Variants in ITGA2 observed in about 807,000 individuals in gnomAD.
The protein encoded by ITGA2 is integrin subunit alpha 2.
In ITGA2, 101 loss-of-function variants were observed where a neutral mutation model predicts 146.3. The ratio of observed to expected loss-of-function variants is 0.69; its 90% CI spans 0.59 to 0.81. ITGA2 has a LOEUF of 0.81. Ranked by LOEUF, ITGA2 falls within the 40% of genes least tolerant of loss-of-function variation. ITGA2 has a pLI of 0.00. For synonymous variants in ITGA2, 477 were observed against 487.1 expected (o/e 0.98, Z 0.27); for missense variants, 1,281 against 1,402.7 (o/e 0.91, Z 1.39).
intron 2 of ITGA2, among the ~76,000 whole-genome samples, chr5:53,029,863 G>C (rs1743140290): frequency 1.3e-5 from 2 of 152,188 alleles, no homozygotes; most frequent in South Asian, 4.1e-4. Context: ...AGCTATAGTA[G>C]ACTGACTTAA....
At chr5:53,068,722 T>A (rs547630830) in intron 16 of ITGA2, among the ~76,000 whole-genome samples, 1 of 151,988 alleles carries the variant, frequency 6.6e-6, no homozygotes, top group South Asian at 2.1e-4. Flanking sequence ...GCAATAATAG[T>A]ATGTAAGACG....
At position 53,055,557 on chromosome 5, in the gene ITGA2, G is replaced by C; in HGVS notation, c.799G>C (p.Ala267Pro). Residue 267 changes from alanine (A) to proline (P), a missense_variant, in exon 8 of 30, where the codon GCT (alanine) becomes CCT (proline). This residue lies in a region of ITGA2 where 795 missense variants were observed against 841.7 expected (regional missense o/e 0.94). Transcript: ENST00000296585. ...QYARKYAYSA[A>P]SGGRRSATKV... ...CCACAGAAAATATGCTTATTCAGCA[G>C]CTTCTGGTGGGCGACGAAGTGCTAC... The C allele has an allele frequency of 6.2e-7, 1 of 1,613,000 alleles. No homozygotes were observed.
chr5:53,046,194 CAAAAA>C (rs58926174), intron 4 of ITGA2, among the ~76,000 whole-genome samples: 3 of 99,064 alleles, frequency 3.0e-5, no homozygotes, highest in Non-Finnish European at 6.0e-5. Flanking sequence ...GACTCTGTCT[CAAAAA>C]AAAAAAAAAA....
intron 1 of ITGA2, among the ~76,000 whole-genome samples, chr5:53,023,771 G>A (rs1466400286): frequency 6.6e-6 from 1 of 152,170 alleles, no homozygotes; most frequent in Non-Finnish European, 1.5e-5. Flanking sequence ...CACTGGGATT[G>A]CAAAGAAGAA....
intron 1 of ITGA2, among the ~76,000 whole-genome samples, chr5:53,017,387 C>T (rs895616888): frequency 3.9e-5 from 6 of 152,234 alleles, no homozygotes; most frequent in South Asian, 2.1e-4. Flanking sequence ...CATACTCTAA[C>T]TCTGAGGAAC....
intron 8 of ITGA2, 105 bp downstream of exon 8, chr5:53,055,793 T>C: frequency 5.0e-6 from 7 of 1,402,628 alleles, no homozygotes; most frequent in Non-Finnish European, 7.1e-6. Flanking sequence ...CATAGTTGAA[T>C]ATAAAAGAAA....
intron 1 of ITGA2, chr5:52,990,348 T>G (rs1317160668): frequency 6.6e-6 from 1 of 152,376 alleles, no homozygotes; most frequent in African/African-American, 2.4e-5. Flanking sequence ...CCTCCTGAGT[T>G]CTTTTACACT....
At chr5:53,011,392 CA>C (rs1401010892) in intron 1 of ITGA2, among the ~76,000 whole-genome samples, 3 of 152,168 alleles carry the variant, frequency 2.0e-5, no homozygotes, top group Non-Finnish European at 4.4e-5. Flanking sequence ...AAGCCAATTA[CA>C]GCAATACAAA....
In ITGA2 at chr5:53,056,127, A is replaced by C. The variant is rs1253642742; in HGVS notation, c.1074A>C (p.Gly358=). The C allele has an allele frequency of 1.1e-5, 18 of 1,611,650 alleles. No individual in the cohort carries two copies. The highest frequency in any genetic ancestry group is 1.5e-5 in the Non-Finnish European group (18 of 1,178,692). The change falls in exon 9 of 30, where the codon GGA becomes GGC. Residue 358 remains glycine, a synonymous_variant. Transcript: ENST00000296585. ...AALLEKAGTL[G]EQIFSIEGTV... is the part of the protein sequence containing the mutation. ...TACTAGAAAAGGCTGGGACATTAGG[A>C]GAACAAATTTTCAGCATTGAAGGTA...
intron 1 of ITGA2, among the ~76,000 whole-genome samples, chr5:53,005,521 C>T (rs1032294497): frequency 1.4e-5 from 2 of 147,380 alleles, no homozygotes; most frequent in Admixed American, 6.8e-5. Context: ...GTGGAGGTTG[C>T]AATGAGCCAA....
At chr5:52,993,378 TATTTACAATGGCTCATATATTTCTG>T (rs1233387814) in intron 1 of ITGA2, among the ~76,000 whole-genome samples, 3 of 152,228 alleles carry the variant, frequency 2.0e-5, no homozygotes, top group Non-Finnish European at 4.4e-5. Flanking sequence ...TAGGATTCAG[TATTTACAATGGCTCATATATTTCTG>T]ATGTATGGTC....
chr5:53,061,049 A>G lies in ITGA2; in HGVS notation c.1458+3A>G. ...TTCAGGCTCACCGAGGTGACCAGGT[A>G]AATCTCACTGTTTAGCAGGTGAAAT... On this transcript the variant is annotated splice_donor_region_variant and intron_variant, in intron 12 of 29. Coordinates refer to ENST00000296585, the MANE Select transcript of ITGA2 (RefSeq NM_002203.4). The G allele has an allele frequency of 6.2e-7, 1 of 1,611,966 alleles. No homozygotes were observed.
intron 2 of ITGA2, among the ~76,000 whole-genome samples, chr5:53,041,326 G>A (rs545308702): frequency 2.6e-5 from 4 of 152,248 alleles, no homozygotes; most frequent in South Asian, 4.1e-4. Context: ...AAGGAAGGAT[G>A]TAAACACCAA....
intron 16 of ITGA2, among the ~76,000 whole-genome samples, chr5:53,068,889 A>G (rs1745263565): frequency 6.6e-6 from 1 of 151,708 alleles, no homozygotes; most frequent in South Asian, 2.1e-4. Flanking sequence ...AAGGAAAAGC[A>G]TTATAATGTG....
intron 1 of ITGA2, among the ~76,000 whole-genome samples, chr5:53,009,653 A>C (rs1300828040): frequency 6.6e-6 from 1 of 152,098 alleles, no homozygotes; most frequent in Non-Finnish European, 1.5e-5. Flanking sequence ...GCCTATCTAG[A>C]TTGATTATAT....
chr5:53,042,080 C>CT, intron 2 of ITGA2, 32 bp from the exon 3 acceptor site: 1 of 1,270,182 alleles, frequency 7.9e-7, no homozygotes, highest in East Asian at 2.3e-5. Context: ...ATACTTAACA[C>CT]TTTGTGTCTA....
intron 1 of ITGA2, among the ~76,000 whole-genome samples, chr5:53,002,495 T>A (rs1195807189): frequency 6.6e-6 from 1 of 152,204 alleles, no homozygotes; most frequent in Non-Finnish European, 1.5e-5. Context: ...AAATGAATAC[T>A]GCACTTTTAT....
intron 11 of ITGA2, 111 bp downstream of exon 11, chr5:53,060,123 A>T: frequency 1.8e-6 from 2 of 1,112,618 alleles, no homozygotes; most frequent in Non-Finnish European, 2.7e-6. Flanking sequence ...TCATCTAATT[A>T]TCATATTTAT....
At chr5:53,049,933 T>C (rs1329907364) in intron 6 of ITGA2, among the ~76,000 whole-genome samples, 1 of 152,220 alleles carries the variant, frequency 6.6e-6, no homozygotes, top group African/African-American at 2.4e-5. Flanking sequence ...TATTATAACA[T>C]GTTGTTATAT....
Sources: gnomAD v4.1 joint callset for allele counts (sites outside exome capture counted in the v4.1 genomes callset) on GRCh38, gnomAD v4.1.1 for gene constraint, gnomAD v4.1.1 regional missense constraint, MANE v1.5 for transcripts, NCBI Gene and HGNC (gene_info 2026-07-23, HGNC 2026-07-21) for gene names.